REEP1: variants seen among roughly 807,000 people sequenced by gnomAD.
REEP1 encodes receptor expression-enhancing protein 1.
A neutral mutation model predicts 40.3 loss-of-function variants in REEP1; 22 were observed. The observed-to-expected ratio is 0.55, with a 90% CI of 0.39 to 0.78. The LOEUF is 0.78. REEP1 is among the 30% of genes least tolerant of loss of function. The pLI is 0.00. For missense variants in REEP1, 280 were observed against 361.1 expected, an observed-to-expected ratio of 0.78 and a Z score of 1.82; for synonymous variants, 116 against 139.2, an observed-to-expected ratio of 0.83 and a Z score of 1.17.
At position 86,303,530 on chromosome 2, in the gene REEP1, T is replaced by TAA. The variant is rs34567019; in HGVS notation, c.33-21290_33-21289dup. ...CACCACGCCTGGCTGCCTGGCTAAT[T>TAA]AAAAAAAAAAATTGTATAGAGATGG... On this transcript the variant is annotated intron_variant, in intron 1 of 8. Coordinates refer to ENST00000538924, the MANE Select transcript of REEP1 (RefSeq NM_001371279.1). 1.9e-4 allele frequency among the ~76,000 whole-genome samples: 28 copies of TAA among 148,854 alleles called. 1 individual carries two copies. The highest frequency in any genetic ancestry group is 3.5e-4 in the African/African-American group (14 of 40,540).
chr2:86,325,649 G>T (rs929244013), intron 1 of REEP1, among the ~76,000 whole-genome samples: 1 of 152,148 alleles, frequency 6.6e-6, no homozygotes, highest in African/African-American at 2.4e-5. Flanking sequence ...ATGCAGCCAC[G>T]AGGAATGCCG....
chr2:86,326,519 C>T (rs1573058474), intron 1 of REEP1, among the ~76,000 whole-genome samples: 1 of 152,198 alleles, frequency 6.6e-6, no homozygotes, highest in South Asian at 2.1e-4. Flanking sequence ...TCAAGACCAG[C>T]CTGACCAAAA....
At chr2:86,221,118 C>T (rs534817321) in intron 7 of REEP1, among the ~76,000 whole-genome samples, 1 of 152,314 alleles carries the variant, frequency 6.6e-6, no homozygotes, top group South Asian at 2.1e-4. Flanking sequence ...TTGAGACACC[C>T]TGCTCCTAAG....
chr2:86,290,940 C>T (rs945131084), intron 1 of REEP1, among the ~76,000 whole-genome samples: 2 of 152,146 alleles, frequency 1.3e-5, no homozygotes, highest in African/African-American at 4.8e-5. Context: ...GCAGAACTGG[C>T]CCACTATGCA....
At chr2:86,220,260 A>G in intron 7 of REEP1, 139 bp from the exon 8 acceptor site, 1 of 465,962 alleles carries the variant, frequency 2.1e-6, no homozygotes, top group African/African-American at 2.0e-5. Flanking sequence ...CCTCGGTCTG[A>G]GGAAGCACTG....
intron 3 of REEP1, 138 bp downstream of exon 3, chr2:86,263,827 T>C (rs765770475): frequency 1.4e-6 from 1 of 716,606 alleles, no homozygotes; most frequent in East Asian, 2.7e-5. Context: ...CTATTAAAAA[T>C]GCTCCAGTTA....
At chr2:86,266,930 C>T (rs1356396739) in intron 2 of REEP1, among the ~76,000 whole-genome samples, 1 of 151,804 alleles carries the variant, frequency 6.6e-6, no homozygotes, top group Non-Finnish European at 1.5e-5. Context: ...TGGCATGAAC[C>T]CAGGGGGAAG....
At position 86,299,855 on chromosome 2, in the gene REEP1, C is replaced by T. The variant is rs986987768; in HGVS notation, c.33-17613G>A. 2.6e-5 allele frequency among the ~76,000 whole-genome samples: 4 copies of T among 152,302 alleles called. No individual in the cohort carries two copies. The South Asian group carries it at 6.2e-4, about 24-fold the overall frequency. On this transcript the variant is annotated intron_variant, in intron 1 of 8. Coordinates refer to ENST00000538924, the MANE Select transcript of REEP1 (RefSeq NM_001371279.1). ...ATAAAACAAAAATCAAAATCATCCACAATCCAACACCCAGCAACAACAGTA... is the reference window on the plus strand; with the variant it reads ...ATAAAACAAAAATCAAAATCATCCATAATCCAACACCCAGCAACAACAGTA...
chr2:86,281,953 G>A (rs920822823), intron 2 of REEP1, among the ~76,000 whole-genome samples: 7 of 152,138 alleles, frequency 4.6e-5, no homozygotes, highest in African/African-American at 7.2e-5. Context: ...GCCTCTTGCC[G>A]TATCTCCCTG....
intron 2 of REEP1, among the ~76,000 whole-genome samples, chr2:86,270,855 CA>C (rs570969215): frequency 2.1e-5 from 3 of 145,544 alleles, no homozygotes; most frequent in African/African-American, 2.5e-5. Context: ...GAATGGAGAA[CA>C]AAAAAAAACA....
At chr2:86,228,583 C>T (rs539067288) in intron 6 of REEP1, among the ~76,000 whole-genome samples, 5 of 152,132 alleles carry the variant, frequency 3.3e-5, no homozygotes, top group South Asian at 4.2e-4. Context: ...CTCAGCCTCC[C>T]GAGTAGCTGG....
chr2:86,265,129 C>A (rs537984456), intron 2 of REEP1, among the ~76,000 whole-genome samples: 1 of 152,202 alleles, frequency 6.6e-6, no homozygotes, highest in East Asian at 1.9e-4. Context: ...AGACTCCAAG[C>A]GAAGAAGTCT....
At chr2:86,253,372 G>T (rs982438286) in intron 4 of REEP1, among the ~76,000 whole-genome samples, 3 of 151,956 alleles carry the variant, frequency 2.0e-5, no homozygotes, top group Admixed American at 6.6e-5. Flanking sequence ...CAAGTTCTGT[G>T]CATTAGTGTA....
At chr2:86,284,240 C>G (rs1395428713) in intron 1 of REEP1, among the ~76,000 whole-genome samples, 1 of 152,172 alleles carries the variant, frequency 6.6e-6, no homozygotes, top group African/African-American at 2.4e-5. Flanking sequence ...TGGTCACCCC[C>G]CCTGACGATT....
intron 5 of REEP1, among the ~76,000 whole-genome samples, chr2:86,234,444 A>G (rs572983824): frequency 2.0e-4 from 31 of 152,156 alleles, no homozygotes; most frequent in Non-Finnish European, 4.0e-4. Flanking sequence ...CCTGAGCCCA[A>G]GAGGTAGAGC....
At position 86,337,422 on chromosome 2, in the gene REEP1, C is replaced by CGGGGCCG. The variant is rs923094742; in HGVS notation, c.32+50_32+56dup. The CGGGGCCG allele has an allele frequency of 8.7e-7, 1 of 1,143,786 alleles. No individual in the cohort carries two copies. The highest frequency in any genetic ancestry group is 1.6e-5 in the African/African-American group (1 of 61,056). 70.9% of individuals were successfully genotyped at this position (1,143,786 alleles called of 1,614,324 possible). ...GGGCGCTGTAGGGGCGCGCGCAGCC[C>CGGGGCCG]GGGGCCGGGGGCGGGGAGGGAGGGG... On this transcript the variant is annotated intron_variant, in intron 1 of 8. Transcript: ENST00000538924. The surrounding 1 kb of genome is among the most constrained non-coding windows in gnomAD (Gnocchi z 5.8).
intron 5 of REEP1, among the ~76,000 whole-genome samples, chr2:86,233,799 G>A (rs1675151883): frequency 1.3e-5 from 2 of 152,118 alleles, no homozygotes. Flanking sequence ...AAGCCTGGAG[G>A]GTGTGCAGGG....
chr2:86,223,453 T>C (rs992346969), intron 7 of REEP1: 1 of 152,170 alleles, frequency 6.6e-6, no homozygotes. Flanking sequence ...AGGCAGCAAA[T>C]GTCTGCAGAA....
At chr2:86,278,818 T>C (rs1406157450) in intron 2 of REEP1, among the ~76,000 whole-genome samples, 1 of 152,200 alleles carries the variant, frequency 6.6e-6, no homozygotes, top group Non-Finnish European at 1.5e-5. Context: ...CCCAGCCTCC[T>C]TGGATCCTCC....
Sources: gnomAD v4.1 joint callset for allele counts (sites outside exome capture counted in the v4.1 genomes callset) on GRCh38, gnomAD v4.1.1 for gene constraint, Gnocchi (gnomAD v3.1) non-coding constraint, MANE v1.5 for transcripts, NCBI Gene and HGNC (gene_info 2026-07-23, HGNC 2026-07-21) for gene names.